ATM: variants seen among roughly 807,000 people sequenced by gnomAD.
The protein encoded by ATM is ATM serine/threonine kinase, also known as serine-protein kinase ATM.
Under a neutral mutation model 387.0 loss-of-function variants are expected in ATM, and 308 were observed. The ratio of observed to expected loss-of-function variants is 0.80; its 90% CI spans 0.73 to 0.87. ATM has a LOEUF of 0.87. ATM is among the 40% of genes least tolerant of loss of function. The pLI is 0.00. For synonymous variants in ATM, 1,156 were observed against 1,187.3 expected (o/e 0.97, Z 0.54); for missense variants, 3,312 against 3,560.9 (o/e 0.93, Z 1.78).
At position 108,306,204 on chromosome 11, in the gene ATM, A is replaced by G. The variant is rs148092657; in HGVS notation, c.5674+1352A>G. Among the ~76,000 whole-genome samples, 1,228 of 152,292 alleles carry G rather than the reference A, an allele frequency of 8.1e-3. 9 individuals carry two copies. The highest frequency in any genetic ancestry group is 0.025 in the African/African-American group (1,053 of 41,554). On this transcript the variant is annotated intron_variant, in intron 37 of 62. Transcript: ENST00000675843. The stretch of plus-strand genomic sequence containing the variant: ...AATTACAAATCTACTATTTGGAAAA[A>G]TATAAATTATAAACATAGACATAGA...
At chr11:108,296,059 T>C (rs951531294) in intron 32 of ATM, 2 of 152,206 alleles carry the variant, frequency 1.3e-5, no homozygotes, top group African/African-American at 4.8e-5. Flanking sequence ...CCAGTTTACC[T>C]GAATGAAAGA....
chr11:108,249,898 A>G (rs2080041132), intron 9 of ATM, among the ~76,000 whole-genome samples: 1 of 152,188 alleles, frequency 6.6e-6, no homozygotes, highest in African/African-American at 2.4e-5. Flanking sequence ...CTTTTAGTCA[A>G]GAGTAATTTA....
At chr11:108,235,871 C>T (rs2079252504) in intron 5 of ATM, 37 bp downstream of exon 5, 3 of 1,610,400 alleles carry the variant, frequency 1.9e-6, no homozygotes, top group Non-Finnish European at 2.5e-6. Context: ...AATTTTTCCT[C>T]ATGAAATGAA....
intron 57 of ATM, among the ~76,000 whole-genome samples, chr11:108,344,395 A>G (rs1279408291): frequency 6.6e-6 from 1 of 152,210 alleles, no homozygotes; most frequent in Non-Finnish European, 1.5e-5. Flanking sequence ...CAACATAAGC[A>G]TAGGCTTAGT....
intron 29 of ATM, chr11:108,290,640 A>G (rs1215340807): frequency 3.4e-5 from 1 of 29,494 alleles, no homozygotes. Flanking sequence ...TCTTGTCTCA[A>G]AAAAAAAAAA....
At position 108,292,719 on chromosome 11, in the gene ATM, C is replaced by T. The variant is rs2082867393; in HGVS notation, c.4537C>T (p.Leu1513=). The T allele has an allele frequency of 1.2e-6, 2 of 1,613,892 alleles. No individual in the cohort carries two copies. The highest frequency in any genetic ancestry group is 1.7e-6 in the Non-Finnish European group (2 of 1,179,960). The change falls in exon 30 of 63, where the codon CTA becomes TTA. Residue 1513 remains leucine, a synonymous_variant. Coordinates refer to ENST00000675843, the MANE Select transcript of ATM (RefSeq NM_000051.4). Reference sequence around the variant, plus strand: ...AGCCGTGACTTACTGTAAGGATGCTCTAGAAAACCATCTTCATGTTATTGT... The same window carrying T: ...AGCCGTGACTTACTGTAAGGATGCTTTAGAAAACCATCTTCATGTTATTGT... ...QTAVTYCKDA[L]ENHLHVIVGT...
rs876659078 is a variant in ATM, at chr11:108,227,860, A to G, written c.157A>G (p.Lys53Glu). 1 of 1,613,214 alleles carries G rather than the reference A, an allele frequency of 6.2e-7. No individual in the cohort carries two copies. Among genetic ancestry groups the G allele is most frequent in the Non-Finnish European group, 8.5e-7 (1 of 1,179,744 alleles). ...LDRHSDSKQG[K>E]YLNWDAVFRF... The stretch of plus-strand genomic sequence containing the variant: ...TCGGCATTCAGATTCCAAACAAGGA[A>G]AATATTTGAATTGGGATGCTGTTTT... Residue 53 changes from lysine to glutamate, a missense_variant, in exon 3 of 63, where the codon AAA becomes GAA. Lys to Glu is a moderately conservative substitution (Grantham distance 56). Coordinates refer to ENST00000675843, the MANE Select transcript of ATM (RefSeq NM_000051.4).
At chr11:108,294,061 G>A (rs1189057465) in intron 31 of ATM, among the ~76,000 whole-genome samples, 1 of 151,590 alleles carries the variant, frequency 6.6e-6, no homozygotes, top group African/African-American at 2.4e-5. Flanking sequence ...GATCCAAATT[G>A]TAAGTTTTCA....
rs1565444496 is a variant in ATM, at chr11:108,282,735, T to C, written c.3602T>C (p.Phe1201Ser). The C allele has an allele frequency of 1.2e-6, 2 of 1,613,458 alleles. No individual in the cohort carries two copies. The highest frequency in any genetic ancestry group is 1.7e-4 in the Middle Eastern group (1 of 6,056). Residue 1201 changes from phenylalanine to serine, a missense_variant, in exon 25 of 63, where the codon TTT (phenylalanine) becomes TCT (serine). By Grantham distance (155) the Phe-to-Ser change is radical. This residue lies in a region of ATM where 1,791 missense variants were observed against 1,804.5 expected (regional missense o/e 0.99). Transcript: ENST00000675843. Reference sequence around the variant, plus strand: ...GTTTTAGAGAAAGTTTCTGAAACTTTTGGATATAGACGTTTAGAAGACTTT... The same window carrying C: ...GTTTTAGAGAAAGTTTCTGAAACTTCTGGATATAGACGTTTAGAAGACTTT... ...KKVLEKVSETFGYRRLEDFMA... is the reference protein window; with the variant it reads ...KKVLEKVSETSGYRRLEDFMA...
At chr11:108,354,238 C>T (rs555422678) in intron 60 of ATM, among the ~76,000 whole-genome samples, 3 of 152,114 alleles carry the variant, frequency 2.0e-5, no homozygotes, top group Non-Finnish European at 4.4e-5. Flanking sequence ...GGGACCTAAG[C>T]CCATGTAACA....
intron 10 of ATM, 25 bp from the exon 11 acceptor site, chr11:108,251,812 A>T (rs2135337905): frequency 6.2e-7 from 1 of 1,612,984 alleles, no homozygotes; most frequent in East Asian, 2.2e-5. Flanking sequence ...CTTGCTTTTC[A>T]CAATTGTCCT....
chr11:108,281,231 T>G, intron 24 of ATM, 63 bp downstream of exon 24: 1 of 1,554,976 alleles, frequency 6.4e-7, no homozygotes. Flanking sequence ...ATTTAAAAAG[T>G]TAAAGCTAGA....
At chr11:108,240,743 T>G (rs1439906519) in intron 5 of ATM, among the ~76,000 whole-genome samples, 2 of 152,136 alleles carry the variant, frequency 1.3e-5, no homozygotes, top group East Asian at 3.8e-4. Flanking sequence ...TTGCTCTGGG[T>G]ATGTAAATGT....
intron 42 of ATM, among the ~76,000 whole-genome samples, chr11:108,316,953 A>G (rs1011007701): frequency 6.6e-6 from 1 of 151,750 alleles, no homozygotes; most frequent in South Asian, 2.1e-4. Context: ...TAAATTTTAG[A>G]GATAAGGTGT....
At chr11:108,272,922 A>C in intron 22 of ATM, 70 bp downstream of exon 22, 1 of 1,589,114 alleles carries the variant, frequency 6.3e-7, no homozygotes, top group Non-Finnish European at 8.6e-7. Context: ...ACATAGTAAC[A>C]GCTCACAGTT....
intron 14 of ATM, among the ~76,000 whole-genome samples, 197 bp from the exon 15 acceptor site, chr11:108,257,284 T>C (rs1343156492): frequency 2.0e-5 from 3 of 152,236 alleles, no homozygotes; most frequent in Admixed American, 2.0e-4. Flanking sequence ...GTATAAGATT[T>C]GCCATTTTAA....
At chr11:108,319,576 CT>C (rs760819041) in intron 43 of ATM, among the ~76,000 whole-genome samples, 2 of 152,182 alleles carry the variant, frequency 1.3e-5, no homozygotes, top group African/African-American at 2.4e-5. Flanking sequence ...TCCCTTGTTA[CT>C]TTCCAATACT....
rs2137079086 is a variant in ATM at position 108,347,293 on chromosome 11, G to C, written c.8599G>C (p.Gly2867Arg). 6.2e-7 allele frequency: 1 copy of C among 1,609,992 alleles called. No homozygotes were observed. Among genetic ancestry groups the C allele is most frequent in the Non-Finnish European group, 8.5e-7 (1 of 1,176,552 alleles). Residue 2867 changes from glycine (G) to arginine (R), a missense_variant, in exon 59 of 63, where the codon GGA becomes CGA. This residue lies in a region of ATM where 1,405 missense variants were observed against 1,604.4 expected (regional missense o/e 0.88). Coordinates refer to ENST00000675843, the MANE Select transcript of ATM (RefSeq NM_000051.4). ...TTTTTCTCCAGTTGGTTACATACTT[G>C]GACTTGGTGATAGACATGTACAGAA... ...ATSSIVGYIL[G>R]LGDRHVQNIL...
chr11:108,295,093 C>T (rs377062787), intron 32 of ATM, 34 bp downstream of exon 32: 7 of 1,612,402 alleles, frequency 4.3e-6, no homozygotes, highest in Non-Finnish European at 5.1e-6. Context: ...CTATTTCTAC[C>T]TGTTTCTTTT....
Sources: gnomAD v4.1 joint callset for allele counts (sites outside exome capture counted in the v4.1 genomes callset) on GRCh38, gnomAD v4.1.1 for gene constraint, gnomAD v4.1.1 regional missense constraint, MANE v1.5 for transcripts, NCBI Gene and HGNC (gene_info 2026-07-23, HGNC 2026-07-21) for gene names.